Variants in HSPA4L observed in about 807,000 individuals in gnomAD.
HSPA4L encodes heat shock 70 kDa protein 4L.
In HSPA4L, 48 loss-of-function variants were observed where a neutral mutation model predicts 100.3. The ratio of observed to expected loss-of-function variants is 0.48; its 90% CI spans 0.38 to 0.61. The LOEUF (loss-of-function observed/expected upper bound fraction) is 0.61, where lower values mean the gene tolerates loss of function less well. HSPA4L is among the 20% of genes least tolerant of loss of function. The pLI, the probability that HSPA4L is intolerant of heterozygous loss-of-function variation, is 0.00. For synonymous variants in HSPA4L, 319 were observed against 328.2 expected, an observed-to-expected ratio of 0.97 and a Z score of 0.30; for missense variants, 886 against 988.6, an observed-to-expected ratio of 0.90 and a Z score of 1.39.
rs939958783 is a variant in HSPA4L, at chr4:127,793,942, T to C, written c.108-135T>C. The C allele has an allele frequency of 1.3e-5, 7 of 547,432 alleles. No individual in the cohort carries two copies. In the Admixed American group the frequency reaches 2.1e-4, roughly 16 times the overall value. The allele number at this position is 547,432 out of a possible 1,614,324, so 33.9% of individuals were successfully genotyped here. A position where few individuals can be genotyped will look rare whatever the true frequency, so the allele number is the denominator to read the frequency against. ...GGGAAACTTTAAAATAAATTTTTGA[T>C]TTGCATAACCTATTTTTAAAATAAT... On this transcript the variant is annotated intron_variant, in intron 1 of 18. Transcript: ENST00000296464.
At chr4:127,808,447 C>T (rs1036938120) in intron 11 of HSPA4L, among the ~76,000 whole-genome samples, 1 of 152,036 alleles carries the variant, frequency 6.6e-6, no homozygotes, top group Non-Finnish European at 1.5e-5. Flanking sequence ...CAACTACTGA[C>T]ATACCATTTA....
intron 12 of HSPA4L, among the ~76,000 whole-genome samples, 186 bp downstream of exon 12, chr4:127,811,822 A>T (rs1169386343): frequency 6.6e-6 from 1 of 152,236 alleles, no homozygotes; most frequent in African/African-American, 2.4e-5. Context: ...TCAATGCTTT[A>T]CATCTTTCAC....
intron 12 of HSPA4L, among the ~76,000 whole-genome samples, chr4:127,816,528 C>T (rs974916465): frequency 1.4e-4 from 21 of 152,176 alleles, no homozygotes; most frequent in Admixed American, 7.2e-4. Flanking sequence ...TTGGCAACCT[C>T]TTGACATTTT....
chr4:127,785,189 TA>T (rs1299848876), intron 1 of HSPA4L, among the ~76,000 whole-genome samples: 1 of 152,212 alleles, frequency 6.6e-6, no homozygotes, highest in Non-Finnish European at 1.5e-5. Context: ...TTAGAGTGTT[TA>T]TACTAGCCTC....
intron 1 of HSPA4L, among the ~76,000 whole-genome samples, chr4:127,789,924 G>A (rs750435627): frequency 2.0e-5 from 3 of 152,122 alleles, no homozygotes; most frequent in Non-Finnish European, 4.4e-5. Context: ...TTTCATGATT[G>A]TAACATCCTG....
chr4:127,817,491 G>A (rs1227300818), intron 12 of HSPA4L, among the ~76,000 whole-genome samples: 2 of 152,130 alleles, frequency 1.3e-5, no homozygotes, highest in African/African-American at 2.4e-5. Context: ...TCTTCAGGAG[G>A]ATGGTGACAG....
chr4:127,788,422 C>G (rs1383578492), intron 1 of HSPA4L, among the ~76,000 whole-genome samples: 3 of 152,142 alleles, frequency 2.0e-5, no homozygotes, highest in Non-Finnish European at 4.4e-5. Context: ...TCCCCCTCCC[C>G]CTTCTAGGGC....
intron 1 of HSPA4L, among the ~76,000 whole-genome samples, chr4:127,785,405 A>T (rs904442986): frequency 6.6e-6 from 1 of 152,018 alleles, no homozygotes; most frequent in African/African-American, 2.4e-5. Flanking sequence ...GGGAAGGGGA[A>T]GTATTTACTT....
Position 127,798,617 on chromosome 4 carries a change from G to T in HSPA4L, c.337G>T (p.Ala113Ser). ...VRYLEEERPFAIEQVTGMLLA... is the reference protein window; with the variant it reads ...VRYLEEERPFSIEQVTGMLLA... ...GTACTTAGAGGAAGAGAGACCTTTT[G>T]CAATTGAGCAAGTTACTGGAATGCT... The change falls in exon 4 of 19, where the codon GCA (alanine) becomes TCA (serine). Residue 113 changes from alanine (A) to serine (S), a missense_variant. By Grantham distance (99) the Ala-to-Ser change is moderately conservative (BLOSUM62 1). Transcript: ENST00000296464. 1 of 1,613,736 alleles carries T rather than the reference G, an allele frequency of 6.2e-7. No individual in the cohort carries two copies. The highest frequency in any genetic ancestry group is 8.5e-7 in the Non-Finnish European group (1 of 1,179,790).
chr4:127,803,589 A>T (rs765350476), intron 6 of HSPA4L, 40 bp from the exon 7 acceptor site: 2 of 1,462,086 alleles, frequency 1.4e-6, no homozygotes, highest in African/African-American at 2.9e-5. Context: ...GGAAGAATCT[A>T]TATTTCTGAA....
chr4:127,788,777 A>G (rs552620742), intron 1 of HSPA4L, among the ~76,000 whole-genome samples: 4 of 152,356 alleles, frequency 2.6e-5, no homozygotes, highest in African/African-American at 9.6e-5. Context: ...AGTGCATTAC[A>G]GTACAGCCCC....
chr4:127,831,157 T>C (rs1344847659), intron 18 of HSPA4L, among the ~76,000 whole-genome samples: 2 of 152,154 alleles, frequency 1.3e-5, no homozygotes, highest in Non-Finnish European at 2.9e-5. Flanking sequence ...TAAACTTCCA[T>C]GGTAAAATCT....
At chr4:127,788,636 A>T (rs1042870287) in intron 1 of HSPA4L, among the ~76,000 whole-genome samples, 3 of 152,170 alleles carry the variant, frequency 2.0e-5, no homozygotes, top group Admixed American at 2.0e-4. Flanking sequence ...TCTCAACTGG[A>T]GGTGATTTTG....
chr4:127,838,175 A>G lies in HSPA4L; in HGVS notation c.*5301A>G, dbSNP rs1169573459. ...TATAATGCTGCCAGATGTCATTACA[A>G]TTTTTTTTCTAAATTCAAAGGTAAT... On this transcript the variant is annotated 3_prime_UTR_variant, in exon 19 of 19. Coordinates refer to ENST00000296464, the MANE Select transcript of HSPA4L (RefSeq NM_014278.4). 1.3e-5 allele frequency: 2 copies of G among 152,026 alleles called. No homozygotes were observed. The highest frequency in any genetic ancestry group is 1.9e-4 in the East Asian group (1 of 5,198). The allele number at this position is 152,026 out of a possible 1,614,324, so 9.4% of individuals were successfully genotyped here.
chr4:127,812,117 T>C (rs917099522), intron 12 of HSPA4L, among the ~76,000 whole-genome samples: 9 of 151,990 alleles, frequency 5.9e-5, no homozygotes, highest in African/African-American at 2.2e-4. Context: ...AATGTTAAAG[T>C]ACAGATTTTT....
chr4:127,805,489 A>G (rs1232352998), intron 9 of HSPA4L, among the ~76,000 whole-genome samples, 198 bp from the exon 10 acceptor site: 1 of 152,120 alleles, frequency 6.6e-6, no homozygotes, highest in African/African-American at 2.4e-5. Context: ...GGAGATGTAA[A>G]GATATTCTGT....
Position 127,813,107 on chromosome 4 carries a change from G to T in HSPA4L, c.1578+1471G>T. ...ACAATATCACCTTTCTTATAGATTC[G>T]CATATACGTGGCCAAAGGAATAACT... On this transcript the variant is annotated intron_variant, in intron 12 of 18. Coordinates refer to ENST00000296464, the MANE Select transcript of HSPA4L (RefSeq NM_014278.4). 4 of 1,283,782 alleles carry T rather than the reference G, an allele frequency of 3.1e-6. No homozygotes were observed. In the South Asian group the frequency reaches 4.7e-5, roughly 15 times the overall value. The allele number at this position is 1,283,782 out of a possible 1,614,324, so 79.5% of individuals were successfully genotyped here.
chr4:127,794,206 T>C, intron 2 of HSPA4L, 72 bp downstream of exon 2: 1 of 1,204,628 alleles, frequency 8.3e-7, no homozygotes, highest in Non-Finnish European at 1.2e-6. Context: ...GTTCCTTAAG[T>C]TATATTGTTA....
At chr4:127,820,335 A>G in intron 13 of HSPA4L, 93 bp from the exon 14 acceptor site, 1 of 1,044,922 alleles carries the variant, frequency 9.6e-7, no homozygotes. Context: ...AATATAACAG[A>G]TCATAATCGT....
Sources: allele counts gnomAD v4.1 joint callset (sites outside exome capture counted in the v4.1 genomes callset), GRCh38; gene constraint gnomAD v4.1.1; transcripts MANE v1.5; gene names NCBI Gene and HGNC (gene_info 2026-07-23, HGNC 2026-07-21).